ATF1: variants seen among roughly 807,000 people sequenced by gnomAD.
ATF1 encodes activating transcription factor 1, also known as cyclic AMP-dependent transcription factor ATF-1.
In ATF1, 16 loss-of-function variants were observed where a neutral mutation model predicts 34.7. The ratio of observed to expected loss-of-function variants is 0.46; its 90% CI spans 0.31 to 0.70. ATF1 has a LOEUF of 0.70. ATF1 is among the 30% of genes least tolerant of loss of function. ATF1 has a pLI of 0.05. For missense variants in ATF1, 255 were observed against 321.6 expected, an observed-to-expected ratio of 0.79 and a Z score of 1.58; for synonymous variants, 105 against 113.1, an observed-to-expected ratio of 0.93 and a Z score of 0.46.
At chr12:50,781,941 A>C (rs1414723187) in intron 2 of ATF1, among the ~76,000 whole-genome samples, 3 of 150,882 alleles carry the variant, frequency 2.0e-5, no homozygotes, top group Non-Finnish European at 4.4e-5. Context: ...AAAATCATGC[A>C]TGAGTGTAAG....
intron 1 of ATF1, among the ~76,000 whole-genome samples, chr12:50,772,250 T>G (rs1940790122): frequency 6.6e-6 from 1 of 151,976 alleles, no homozygotes; most frequent in South Asian, 2.1e-4. Context: ...AGTGCTGGGA[T>G]TACAGGAATG....
At chr12:50,789,192 T>G (rs906225522) in intron 2 of ATF1, among the ~76,000 whole-genome samples, 5 of 151,882 alleles carry the variant, frequency 3.3e-5, no homozygotes, top group African/African-American at 1.2e-4. Context: ...TCAAGCAGTT[T>G]GGGTAGCTGG....
chr12:50,814,161 A>T lies in ATF1; in HGVS notation c.480A>T (p.Ile160=). The change falls in exon 5 of 7, where the codon ATA becomes ATT. Residue 160 remains isoleucine (I), a synonymous_variant. Transcript: ENST00000262053. The part of the protein sequence containing the change: ...QYAQTSDGQQ[I]LVPSNQVVVQ... The stretch of plus-strand genomic sequence containing the variant: ...CACAGACCTCTGATGGACAGCAGAT[A>T]CTTGTGCCCAGCAATCAGGTGGTCG... The T allele has an allele frequency of 6.2e-7, 1 of 1,614,154 alleles. No homozygotes were observed.
At chr12:50,763,969 G>A (rs1353710393), upstream of ATF1, 2 of 152,368 alleles carry the variant, frequency 1.3e-5, no homozygotes, top group African/African-American at 4.8e-5. Context: ...TGGGCAGCGC[G>A]GTGACGCAGG....
intron 1 of ATF1, among the ~76,000 whole-genome samples, chr12:50,767,721 G>A (rs751497684): frequency 7.9e-5 from 12 of 152,060 alleles, no homozygotes; most frequent in Non-Finnish European, 1.8e-4. Context: ...TCAGAGAACA[G>A]GAATTTCAGG....
At chr12:50,788,851 G>A (rs2139661843) in intron 2 of ATF1, among the ~76,000 whole-genome samples, 1 of 152,164 alleles carries the variant, frequency 6.6e-6, no homozygotes, top group East Asian at 1.9e-4. Flanking sequence ...GGTCTAGTTA[G>A]TATAACTACA....
chr12:50,785,281 A>G (rs888922292), intron 2 of ATF1, among the ~76,000 whole-genome samples: 11 of 78,336 alleles, frequency 1.4e-4, no homozygotes. Flanking sequence ...TTATATATAT[A>G]CATACACACA....
intron 1 of ATF1, among the ~76,000 whole-genome samples, chr12:50,779,753 A>T (rs1402507218): frequency 6.6e-6 from 1 of 152,140 alleles, no homozygotes; most frequent in Non-Finnish European, 1.5e-5. Flanking sequence ...CCTTAGGTAT[A>T]GTTTTATTTA....
chr12:50,802,018 A>G (rs1239197736), intron 3 of ATF1, among the ~76,000 whole-genome samples: 1 of 152,216 alleles, frequency 6.6e-6, no homozygotes, highest in East Asian at 1.9e-4. Flanking sequence ...CTAAAGAATT[A>G]TTAAAATAGA....
chr12:50,776,453 A>G (rs1337090776), intron 1 of ATF1, among the ~76,000 whole-genome samples: 2 of 148,686 alleles, frequency 1.3e-5, no homozygotes, highest in Non-Finnish European at 3.0e-5. Flanking sequence ...TGATCACACC[A>G]CTGCACTCCA....
chr12:50,782,846 C>T (rs887564685), intron 2 of ATF1, among the ~76,000 whole-genome samples: 2 of 151,862 alleles, frequency 1.3e-5, no homozygotes, highest in African/African-American at 2.4e-5. Context: ...CCCACTGCCA[C>T]GACCAGCTAA....
At chr12:50,772,618 G>T (rs1940803503) in intron 1 of ATF1, among the ~76,000 whole-genome samples, 1 of 152,104 alleles carries the variant, frequency 6.6e-6, no homozygotes. Flanking sequence ...GACCCACTGT[G>T]CCTGGCCAAG....
intron 2 of ATF1, among the ~76,000 whole-genome samples, chr12:50,794,851 C>T (rs1419871843): frequency 6.6e-6 from 1 of 151,834 alleles, no homozygotes; most frequent in African/African-American, 2.4e-5. Context: ...CCCAGGAAGG[C>T]GACGCTACAG....
intron 2 of ATF1, among the ~76,000 whole-genome samples, chr12:50,784,346 A>G (rs1418860067): frequency 3.3e-5 from 5 of 152,140 alleles, no homozygotes; most frequent in African/African-American, 1.2e-4. Flanking sequence ...GCAGGATAGG[A>G]GAGATAGGGA....
intron 3 of ATF1, among the ~76,000 whole-genome samples, chr12:50,800,386 AAGTT>A: frequency 6.6e-6 from 1 of 152,320 alleles, no homozygotes; most frequent in South Asian, 2.1e-4. Context: ...AGACGAAAGA[AAGTT>A]AAGGAATGAA....
At chr12:50,798,686 G>C (rs1427310750) in intron 3 of ATF1, among the ~76,000 whole-genome samples, 4 of 152,124 alleles carry the variant, frequency 2.6e-5, no homozygotes, top group Non-Finnish European at 4.4e-5. Flanking sequence ...TCAAAGTTAA[G>C]CTTTCTGGAT....
chr12:50,809,375 A>T, intron 3 of ATF1, 81 bp from the exon 4 acceptor site: 6 of 367,002 alleles, frequency 1.6e-5, no homozygotes, highest in Non-Finnish European at 1.8e-5. Context: ...TCTTGTCTCA[A>T]AAAAAAAAAA....
At chr12:50,789,813 A>C (rs1471412397) in intron 2 of ATF1, among the ~76,000 whole-genome samples, 1 of 152,026 alleles carries the variant, frequency 6.6e-6, no homozygotes, top group Non-Finnish European at 1.5e-5. Context: ...CTCCTTTGAA[A>C]GGTCTCTCAA....
chr12:50,798,279 A>G (rs1471724654), intron 3 of ATF1, among the ~76,000 whole-genome samples: 2 of 152,112 alleles, frequency 1.3e-5, no homozygotes, highest in Admixed American at 6.5e-5. Flanking sequence ...TTAGAACAAT[A>G]GTAATAATGA....
Sources: allele counts gnomAD v4.1 joint callset (sites outside exome capture counted in the v4.1 genomes callset), GRCh38; gene constraint gnomAD v4.1.1; transcripts MANE v1.5; gene names NCBI Gene and HGNC (gene_info 2026-07-23, HGNC 2026-07-21).